ZNF341: variants seen among roughly 807,000 people sequenced by gnomAD.
ZNF341 encodes the protein zinc finger protein 341.
A neutral mutation model predicts 87.7 loss-of-function variants in ZNF341; 52 were observed. The observed-to-expected ratio is 0.59, with a 90% confidence interval of 0.47 to 0.75. ZNF341 has a LOEUF of 0.75. Ranked by LOEUF, ZNF341 falls within the 30% of genes least tolerant of loss-of-function variation. ZNF341 has a pLI of 0.00. For missense variants in ZNF341, 977 were observed against 1,145.9 expected (o/e 0.85, Z 2.13); for synonymous variants, 459 against 472.7 (o/e 0.97, Z 0.38).
rs376032914 is a variant in ZNF341, at chr20:33,738,262, G to T, written c.32-2640G>T. The stretch of plus-strand genomic sequence containing the variant: ...GAGACTGTCCTGGGCAACATAGGGA[G>T]ATTCTATCTCAAAATAATAATAATG... On this transcript the variant is annotated intron_variant, in intron 1 of 14. Transcript: ENST00000375200. Among the ~76,000 whole-genome samples the T allele has an allele frequency of 1.3e-4, 20 of 152,208 alleles. No homozygotes were observed. The Middle Eastern group carries it at 0.017, about 129-fold the overall frequency.
chr20:33,733,395 AT>A (rs535729486), intron 1 of ZNF341, among the ~76,000 whole-genome samples: 17,286 of 140,664 alleles, frequency 0.12, 1,129 homozygotes, highest in African/African-American at 0.21. Context: ...CGCCCGGCTA[AT>A]TTTTTTTTTT....
chr20:33,769,826 G>T (rs1168983314), intron 9 of ZNF341, among the ~76,000 whole-genome samples: 1 of 152,172 alleles, frequency 6.6e-6, no homozygotes. Flanking sequence ...CAGGAGAATC[G>T]CTTGAACCTG....
At chr20:33,737,501 T>G (rs2018715589) in intron 1 of ZNF341, among the ~76,000 whole-genome samples, 1 of 152,086 alleles carries the variant, frequency 6.6e-6, no homozygotes, top group Non-Finnish European at 1.5e-5. Flanking sequence ...TTTTATATTT[T>G]TAGTAAGGAT....
At chr20:33,774,913 G>A (rs943579312) in intron 10 of ZNF341, among the ~76,000 whole-genome samples, 3 of 152,086 alleles carry the variant, frequency 2.0e-5, no homozygotes, top group Non-Finnish European at 2.9e-5. Context: ...GCAGTGAGCC[G>A]TGATCATGCC....
intron 3 of ZNF341, among the ~76,000 whole-genome samples, chr20:33,745,537 C>A (rs953204191): frequency 6.6e-6 from 1 of 151,922 alleles, no homozygotes; most frequent in African/African-American, 2.4e-5. Context: ...TGGGGAAGAG[C>A]TCTGTGAAGA....
At position 33,766,924 on chromosome 20, in the gene ZNF341, G is replaced by A; in HGVS notation, c.1296G>A (p.Lys432=). Residue 432 remains lysine (K), a synonymous_variant, in exon 9 of 15, where the codon AAG becomes AAA. Coordinates refer to ENST00000375200, the MANE Select transcript of ZNF341 (RefSeq NM_001282933.2). ...CAGCTGGTGAGGAAGAGGGGGACAAGCCGGAGTCCAAGCAGGTGGTCCTCA... is the reference window on the plus strand; with the variant it reads ...CAGCTGGTGAGGAAGAGGGGGACAAACCGGAGTCCAAGCAGGTGGTCCTCA... ...LSTAGEEEGD[K]PESKQVVLID... 6.2e-7 allele frequency: 1 copy of A among 1,614,190 alleles called. No individual in the cohort carries two copies. Among genetic ancestry groups the A allele is most frequent in the Non-Finnish European group, 8.5e-7 (1 of 1,180,030 alleles).
At chr20:33,771,596 T>C (rs916881664) in intron 10 of ZNF341, among the ~76,000 whole-genome samples, 7 of 152,110 alleles carry the variant, frequency 4.6e-5, no homozygotes, top group African/African-American at 1.7e-4. Flanking sequence ...ATGGATTTTA[T>C]TGGGGTAATT....
In ZNF341 at chr20:33,766,753, G is replaced by C. The variant is rs2019414283; in HGVS notation, c.1223-98G>C. 1.1e-5 allele frequency: 14 copies of C among 1,324,320 alleles called. No homozygotes were observed. The South Asian group carries it at 1.8e-4, about 17-fold the overall frequency. The allele number at this position is 1,324,320 out of a possible 1,614,324, so 82.0% of individuals were successfully genotyped here. On this transcript the variant is annotated intron_variant, in intron 8 of 14. Transcript: ENST00000375200. The stretch of plus-strand genomic sequence containing the variant: ...AGAGTCTGACCCAAAGCGAGTAGCA[G>C]GTGCCGGGTGAACACAGAGGAGCAC...
chr20:33,747,637 AAAAAAC>A lies in ZNF341; in HGVS notation c.340-1284_340-1279del, dbSNP rs1568937060. ...CTCAAAAAAAAAAAAAAAAAAAAAA[AAAAAAC>A]ACAGTCATTTTTCTCACTGCTTGAC... On this transcript the variant is annotated intron_variant, in intron 3 of 14. Coordinates refer to ENST00000375200, the MANE Select transcript of ZNF341 (RefSeq NM_001282933.2). Among the ~76,000 whole-genome samples the A allele has an allele frequency of 1.5e-5, 2 of 132,790 alleles. 1 individual carries two copies. Among genetic ancestry groups the A allele is most frequent in the African/African-American group, 7.6e-5 (2 of 26,272 alleles). The allele number at this position is 132,790 out of a possible 152,430, so 87.1% of individuals were successfully genotyped here.
chr20:33,784,918 T>C (rs2019822649), intron 12 of ZNF341, among the ~76,000 whole-genome samples: 1 of 152,168 alleles, frequency 6.6e-6, no homozygotes, highest in South Asian at 2.1e-4. Context: ...ACCCAGCCTG[T>C]GTGAGGGACT....
At chr20:33,789,914 G>A (rs1433177186) in intron 14 of ZNF341, among the ~76,000 whole-genome samples, 3 of 152,032 alleles carry the variant, frequency 2.0e-5, no homozygotes, top group Non-Finnish European at 2.9e-5. Context: ...CCAAGACATG[G>A]CCAGGAAGCT....
chr20:33,744,587 G>T (rs1189531180), intron 2 of ZNF341, among the ~76,000 whole-genome samples: 1 of 136,040 alleles, frequency 7.4e-6, no homozygotes, highest in Non-Finnish European at 1.6e-5. Flanking sequence ...GCAGGAAACT[G>T]TGTGGTTTTT....
chr20:33,736,423 T>C (rs762554366), intron 1 of ZNF341, among the ~76,000 whole-genome samples: 1 of 152,172 alleles, frequency 6.6e-6, no homozygotes, highest in Admixed American at 6.5e-5. Flanking sequence ...GTTTAAATGA[T>C]AATAGCCCTT....
chr20:33,746,532 G>C (rs555840501), intron 3 of ZNF341, among the ~76,000 whole-genome samples: 2 of 151,888 alleles, frequency 1.3e-5, no homozygotes, highest in East Asian at 1.9e-4. Context: ...ACACCCAGCC[G>C]CTGGGGCTTT....
intron 1 of ZNF341, 108 bp from the exon 2 acceptor site, chr20:33,740,794 C>T: frequency 2.2e-6 from 2 of 924,990 alleles, no homozygotes; most frequent in South Asian, 3.1e-5. Flanking sequence ...AGGTCTGAGC[C>T]ACCGTACCCA....
In ZNF341 at chr20:33,762,066, G is replaced by A. The variant is rs1230346252; in HGVS notation, c.1222+11G>A. On this transcript the variant is annotated intron_variant, in intron 8 of 14. Coordinates refer to ENST00000375200, the MANE Select transcript of ZNF341 (RefSeq NM_001282933.2). ...ACGAGGAAAGCACAGGTGGGTGGAAGTAGGGAACGCCATGCTTCCCACACC... is the reference window on the plus strand; with the variant it reads ...ACGAGGAAAGCACAGGTGGGTGGAAATAGGGAACGCCATGCTTCCCACACC... 1 of 1,521,218 alleles carries A rather than the reference G, an allele frequency of 6.6e-7. No individual in the cohort carries two copies. Among genetic ancestry groups the A allele is most frequent in the Non-Finnish European group, 8.9e-7 (1 of 1,118,178 alleles). The allele number at this position is 1,521,218 out of a possible 1,614,324, so 94.2% of individuals were successfully genotyped here. A position where few individuals can be genotyped will look rare whatever the true frequency, so the allele number is the denominator to read the frequency against.
chr20:33,788,820 A>T, intron 12 of ZNF341, 43 bp from the exon 13 acceptor site: 6 of 1,572,782 alleles, frequency 3.8e-6, no homozygotes, highest in Non-Finnish European at 5.2e-6. Flanking sequence ...CTGGATGCCG[A>T]CTCCTGGTGA....
intron 2 of ZNF341, among the ~76,000 whole-genome samples, chr20:33,741,972 AGTTTACCATG>A (rs2018812896): frequency 6.6e-6 from 1 of 152,086 alleles, no homozygotes; most frequent in East Asian, 1.9e-4. Context: ...TAGCTGTTGA[AGTTTACCATG>A]GTTTCTACAA....
intron 13 of ZNF341, 94 bp from the exon 14 acceptor site, chr20:33,789,424 C>G: frequency 2.2e-6 from 3 of 1,333,918 alleles, no homozygotes; most frequent in Non-Finnish European, 3.2e-6. Flanking sequence ...TTAGGGTGGA[C>G]AAGGCTGTCC....
Sources: allele counts gnomAD v4.1 joint callset (sites outside exome capture counted in the v4.1 genomes callset), GRCh38; gene constraint gnomAD v4.1.1; transcripts MANE v1.5; gene names NCBI Gene and HGNC (gene_info 2026-07-23, HGNC 2026-07-21).